The following GRIK4 variants were observed in gnomAD, a reference collection of about 807,000 sequenced individuals.
The protein encoded by GRIK4 is glutamate ionotropic receptor kainate type subunit 4.
In GRIK4, 40 loss-of-function variants were observed where a neutral mutation model predicts 104.9. The ratio of observed to expected loss-of-function variants is 0.38; its 90% CI spans 0.30 to 0.50. The LOEUF (loss-of-function observed/expected upper bound fraction) is 0.50, where lower values mean the gene tolerates loss of function less well. GRIK4 is among the 20% of genes least tolerant of loss of function. The pLI is 0.93. For missense variants in GRIK4, 1,047 were observed against 1,308.1 expected, an observed-to-expected ratio of 0.80 and a Z score of 3.08; for synonymous variants, 485 against 524.9, an observed-to-expected ratio of 0.92 and a Z score of 1.04.
chr11:120,910,760 C>T (rs192328755), intron 13 of GRIK4, among the ~76,000 whole-genome samples: 1 of 152,248 alleles, frequency 6.6e-6, no homozygotes, highest in East Asian at 1.9e-4. Flanking sequence ...GGGCCCCATT[C>T]GGGTGAGAGC....
intron 9 of GRIK4, chr11:120,872,068 C>T (rs1275801400): frequency 1.1e-5 from 4 of 370,072 alleles, no homozygotes; most frequent in Admixed American, 6.7e-5. Context: ...GTTCAGTCAA[C>T]ACCGGCTTCC....
At chr11:120,849,064 A>G (rs1454225457) in intron 8 of GRIK4, among the ~76,000 whole-genome samples, 2 of 152,192 alleles carry the variant, frequency 1.3e-5, no homozygotes, top group Non-Finnish European at 1.5e-5. Context: ...GACAGGGAAG[A>G]TAAGTCCCAC....
Position 120,549,465 on chromosome 11 carries a change from GAC to G in GRIK4, c.-159+37587_-159+37588del, listed in dbSNP as rs1178206928. Reference sequence around the variant, plus strand: ...TGTGGTACCATTGTTGATGTGGACAGACACACACACTAACAAACAAGGAGTGA... The same window carrying G: ...TGTGGTACCATTGTTGATGTGGACAGACACACACTAACAAACAAGGAGTGA... On this transcript the variant is annotated intron_variant, in intron 1 of 20. Transcript: ENST00000527524. This position sits in a 1 kb window ranked among gnomAD's most constrained non-coding sequence, Gnocchi z 4.7. 2.0e-5 allele frequency among the ~76,000 whole-genome samples: 3 copies of G among 152,154 alleles called. No homozygotes were observed. The highest frequency in any genetic ancestry group is 7.2e-5 in the African/African-American group (3 of 41,450).
Position 120,903,693 on chromosome 11 carries a change from C to G in GRIK4, c.1273-1597C>G, listed in dbSNP as rs1199275315. The stretch of plus-strand genomic sequence containing the variant: ...TGGGTGGGCCCCTGGGACCCCCAGC[C>G]CTGCTGTTTGCGGTGGGGAAGGAGC... On this transcript the variant is annotated intron_variant, in intron 12 of 20. Coordinates refer to ENST00000527524, the MANE Select transcript of GRIK4 (RefSeq NM_014619.5). The surrounding 1 kb of genome is among the most constrained non-coding windows in gnomAD (Gnocchi z 4.4). Among the ~76,000 whole-genome samples, 1 of 152,200 alleles carries G rather than the reference C, an allele frequency of 6.6e-6. No homozygotes were observed. The highest frequency in any genetic ancestry group is 1.5e-5 in the Non-Finnish European group (1 of 68,044).
At chr11:120,788,577 G>A (rs952197680) in intron 3 of GRIK4, among the ~76,000 whole-genome samples, 2 of 152,112 alleles carry the variant, frequency 1.3e-5, no homozygotes, top group Non-Finnish European at 2.9e-5. Context: ...AGGAAAAAAA[G>A]GAGAAGGCAC....
chr11:120,563,724 G>A (rs547207115), intron 1 of GRIK4, among the ~76,000 whole-genome samples: 1 of 152,248 alleles, frequency 6.6e-6, no homozygotes, highest in Non-Finnish European at 1.5e-5. Flanking sequence ...GTGGCACTCA[G>A]GGTTAGTTGG....
At chr11:120,869,072 A>G (rs1954520374) in intron 9 of GRIK4, 1 of 152,380 alleles carries the variant, frequency 6.6e-6, no homozygotes, top group African/African-American at 2.4e-5. Context: ...CTCGCACGCC[A>G]TCAGAGGAGA....
chr11:120,846,623 T>C (rs1953858598), intron 8 of GRIK4, among the ~76,000 whole-genome samples: 1 of 152,166 alleles, frequency 6.6e-6, no homozygotes, highest in African/African-American at 2.4e-5. Context: ...ATGATGTCCT[T>C]CTGCTATGCA....
chr11:120,831,799 C>A, intron 6 of GRIK4, 53 bp from the exon 7 acceptor site: 1 of 1,458,398 alleles, frequency 6.9e-7, no homozygotes, highest in South Asian at 1.2e-5. Flanking sequence ...GCCCAGGTGT[C>A]TCTAGAGGCA....
intron 1 of GRIK4, among the ~76,000 whole-genome samples, chr11:120,626,794 T>A (rs1194848624): frequency 6.6e-6 from 1 of 152,218 alleles, no homozygotes; most frequent in East Asian, 1.9e-4. Flanking sequence ...GCTTTCTCCC[T>A]TGATCAGGGC....
chr11:120,528,694 G>T (rs1460184421), intron 1 of GRIK4, among the ~76,000 whole-genome samples: 1 of 152,210 alleles, frequency 6.6e-6, no homozygotes, highest in Non-Finnish European at 1.5e-5. Flanking sequence ...CATCTTACAT[G>T]AATGGCAGCA....
chr11:120,598,204 G>A (rs565177089), intron 1 of GRIK4, among the ~76,000 whole-genome samples: 1 of 152,280 alleles, frequency 6.6e-6, no homozygotes, highest in East Asian at 1.9e-4. Context: ...CATCTGTTGA[G>A]CCCTTGCTGT....
chr11:120,857,336 C>T (rs1046341743), intron 8 of GRIK4, among the ~76,000 whole-genome samples: 3 of 152,158 alleles, frequency 2.0e-5, no homozygotes, highest in Admixed American at 6.6e-5. Context: ...AAGTGAGGGG[C>T]GCCCTTCCAC....
intron 3 of GRIK4, among the ~76,000 whole-genome samples, chr11:120,759,319 C>T (rs72995842): frequency 0.015 from 2,257 of 152,254 alleles, 16 homozygotes; most frequent in Non-Finnish European, 0.021. Flanking sequence ...AGTAGGAGGT[C>T]TAGAGGCAGG....
intron 1 of GRIK4, among the ~76,000 whole-genome samples, chr11:120,533,217 C>T (rs1368011057): frequency 6.6e-6 from 1 of 152,160 alleles, no homozygotes; most frequent in Non-Finnish European, 1.5e-5. Flanking sequence ...GAGGGAAAAG[C>T]ACATGTCACA....
intron 11 of GRIK4, among the ~76,000 whole-genome samples, chr11:120,889,589 ATT>A (rs369264259): frequency 1.2e-3 from 74 of 62,490 alleles, no homozygotes; most frequent in African/African-American, 4.1e-3. Context: ...AAGAGCTTAC[ATT>A]TTTTTTTTTT....
intron 7 of GRIK4, among the ~76,000 whole-genome samples, chr11:120,835,484 C>T (rs1035006076): frequency 6.6e-6 from 1 of 152,204 alleles, no homozygotes; most frequent in Non-Finnish European, 1.5e-5. Flanking sequence ...GCCATGATCG[C>T]GCCAATGCAC....
At chr11:120,615,671 C>T (rs1949102522) in intron 1 of GRIK4, among the ~76,000 whole-genome samples, 1 of 152,208 alleles carries the variant, frequency 6.6e-6, no homozygotes, top group Non-Finnish European at 1.5e-5. Context: ...TTGGCTGGCA[C>T]TCTTCCTGCC....
At chr11:120,962,828 T>G (rs931869707) in intron 18 of GRIK4, 147 bp downstream of exon 18, 26 of 539,878 alleles carry the variant, frequency 4.8e-5, no homozygotes, top group Admixed American at 7.0e-5. Context: ...CTAAAGTTTT[T>G]TTTTTTTTTT....
Sources: allele counts gnomAD v4.1 joint callset (sites outside exome capture counted in the v4.1 genomes callset), GRCh38; gene constraint gnomAD v4.1.1; non-coding constraint Gnocchi (gnomAD v3.1); transcripts MANE v1.5; gene names NCBI Gene and HGNC (gene_info 2026-07-23, HGNC 2026-07-21).